ASAP1: variants seen among roughly 807,000 people sequenced by gnomAD.
ASAP1 encodes the protein ArfGAP with SH3 domain, ankyrin repeat and PH domain 1.
In ASAP1, 43 loss-of-function variants were observed where a neutral mutation model predicts 145.2. That is an observed-to-expected ratio of 0.30 (90% CI 0.23 to 0.38). The LOEUF is 0.38. Among genes scored for constraint, ASAP1 ranks in the 10% least tolerant of loss-of-function variants. The probability of loss-of-function intolerance (pLI) is 1.00; values close to 1 mark genes in which losing one functional copy is unlikely to be tolerated. For missense variants in ASAP1, 1,018 were observed against 1,355.3 expected (o/e 0.75, Z 3.91); for synonymous variants, 546 against 515.5 (o/e 1.06, Z -0.80).
At chr8:130,289,841 T>C (rs1222360140) in intron 3 of ASAP1, among the ~76,000 whole-genome samples, 1 of 152,206 alleles carries the variant, frequency 6.6e-6, no homozygotes, top group Non-Finnish European at 1.5e-5. Flanking sequence ...CAGGGACTAG[T>C]GTAGAACTCC....
intron 3 of ASAP1, among the ~76,000 whole-genome samples, chr8:130,245,089 G>A (rs1818768197): frequency 6.6e-6 from 1 of 152,088 alleles, no homozygotes. Context: ...CCTGGCAGCC[G>A]CAGCTTATAT....
intron 8 of ASAP1, among the ~76,000 whole-genome samples, chr8:130,179,622 G>A (rs1454649166): frequency 6.6e-6 from 1 of 152,122 alleles, no homozygotes; most frequent in Non-Finnish European, 1.5e-5. Context: ...TTTCCCCTTG[G>A]TGCAGTGGAT....
intron 3 of ASAP1, among the ~76,000 whole-genome samples, chr8:130,265,289 G>A (rs1820172676): frequency 6.6e-6 from 1 of 152,174 alleles, no homozygotes; most frequent in Admixed American, 6.5e-5. Flanking sequence ...AGCAAAGATT[G>A]GCCGGGTGTG....
At chr8:130,346,049 A>G (rs1224396801) in intron 3 of ASAP1, among the ~76,000 whole-genome samples, 1 of 152,238 alleles carries the variant, frequency 6.6e-6, no homozygotes, top group Non-Finnish European at 1.5e-5. Context: ...CGTATTTGGA[A>G]AACTTTTTAC....
At chr8:130,215,684 C>A (rs1479344260) in intron 4 of ASAP1, among the ~76,000 whole-genome samples, 1 of 152,134 alleles carries the variant, frequency 6.6e-6, no homozygotes, top group South Asian at 2.1e-4. Flanking sequence ...GCGGAGCTTG[C>A]AGTGAGCCGA....
intron 1 of ASAP1, among the ~76,000 whole-genome samples, chr8:130,416,050 G>A (rs1024197266): frequency 6.6e-6 from 1 of 152,098 alleles, no homozygotes; most frequent in African/African-American, 2.4e-5. Context: ...TCTTTTTAAT[G>A]AGGTTTTAAA....
At chr8:130,203,817 T>C (rs1816026350) in intron 5 of ASAP1, among the ~76,000 whole-genome samples, 1 of 152,218 alleles carries the variant, frequency 6.6e-6, no homozygotes, top group African/African-American at 2.4e-5. Flanking sequence ...CTCTGGAGGC[T>C]TCTGGGACAA....
At chr8:130,289,074 T>C (rs1477829111) in intron 3 of ASAP1, among the ~76,000 whole-genome samples, 1 of 152,126 alleles carries the variant, frequency 6.6e-6, no homozygotes, top group Non-Finnish European at 1.5e-5. Flanking sequence ...TAGTCCCAGG[T>C]ACTCGGGAAG....
At chr8:130,361,736 AT>A in intron 2 of ASAP1, 9 of 1,535,686 alleles carry the variant, frequency 5.9e-6, no homozygotes, top group Non-Finnish European at 7.8e-6. Flanking sequence ...TGCACCTCTC[AT>A]TTTCTCAAAT....
intron 3 of ASAP1, among the ~76,000 whole-genome samples, chr8:130,254,022 C>CA (rs1033692439): frequency 6.6e-6 from 1 of 151,446 alleles, no homozygotes; most frequent in Non-Finnish European, 1.5e-5. Flanking sequence ...ACTTCATCTC[C>CA]AAAAAAAACC....
At chr8:130,282,717 G>A (rs1401881110) in intron 3 of ASAP1, among the ~76,000 whole-genome samples, 2 of 152,152 alleles carry the variant, frequency 1.3e-5, no homozygotes, top group Admixed American at 1.3e-4. Context: ...TTAGAAAGCT[G>A]TTATCCCTAC....
chr8:130,068,175 C>T (rs1413446754), intron 27 of ASAP1, among the ~76,000 whole-genome samples: 1 of 152,116 alleles, frequency 6.6e-6, no homozygotes, highest in Non-Finnish European at 1.5e-5. Context: ...TAAAGAAATG[C>T]AAACTAAGAA....
intron 1 of ASAP1, among the ~76,000 whole-genome samples, chr8:130,407,442 C>T (rs1341169701): frequency 1.3e-5 from 2 of 152,238 alleles, no homozygotes; most frequent in Non-Finnish European, 1.5e-5. Context: ...TTCCGGGGAG[C>T]ACTCAAAGAC....
chr8:130,187,174 T>G, intron 7 of ASAP1, 62 bp downstream of exon 7: 1 of 1,416,328 alleles, frequency 7.1e-7, no homozygotes, highest in Non-Finnish European at 9.7e-7. Flanking sequence ...TTTTTTTTTG[T>G]TGTCCAAAAT....
chr8:130,063,205 CT>C (rs2097423001), intron 27 of ASAP1, among the ~76,000 whole-genome samples: 1 of 152,050 alleles, frequency 6.6e-6, no homozygotes, highest in Admixed American at 6.5e-5. Context: ...GAGACAGGGT[CT>C]CCCTCTGTTA....
chr8:130,225,923 G>T (rs560988506), intron 4 of ASAP1, among the ~76,000 whole-genome samples: 1 of 152,146 alleles, frequency 6.6e-6, no homozygotes, highest in Non-Finnish European at 1.5e-5. Flanking sequence ...CTGTTGCCCA[G>T]GCTGTAATGC....
chr8:130,285,528 T>C (rs1390101027), intron 3 of ASAP1, among the ~76,000 whole-genome samples: 1 of 152,200 alleles, frequency 6.6e-6, no homozygotes, highest in African/African-American at 2.4e-5. Context: ...TTTTAAAAAA[T>C]TTGTTTTAAT....
intron 12 of ASAP1, among the ~76,000 whole-genome samples, chr8:130,154,105 G>A (rs766414112): frequency 2.0e-5 from 3 of 152,110 alleles, no homozygotes; most frequent in Non-Finnish European, 4.4e-5. Flanking sequence ...AACTGCCTCG[G>A]GAGGTACAGG....
intron 27 of ASAP1, among the ~76,000 whole-genome samples, chr8:130,063,524 C>T (rs530221724): frequency 6.6e-6 from 1 of 152,250 alleles, no homozygotes; most frequent in East Asian, 1.9e-4. Flanking sequence ...GGTACACTGG[C>T]CCAGGTGACT....
Sources: gnomAD v4.1 joint callset for allele counts (sites outside exome capture counted in the v4.1 genomes callset) on GRCh38, gnomAD v4.1.1 for gene constraint, MANE v1.5 for transcripts, NCBI Gene and HGNC (gene_info 2026-07-23, HGNC 2026-07-21) for gene names.